The following NAV2 variants were observed in gnomAD, a reference collection of about 807,000 sequenced individuals.
NAV2 encodes the protein helicase, APC down-regulated 1.
In NAV2, 54 loss-of-function variants were observed where a neutral mutation model predicts 223.2. The ratio of observed to expected loss-of-function variants is 0.24; its 90% CI spans 0.19 to 0.30. The LOEUF is 0.30. Among genes scored for constraint, NAV2 ranks in the 10% least tolerant of loss-of-function variants. NAV2 has a pLI of 1.00. For synonymous variants in NAV2, 1,279 were observed against 1,239.3 expected, an observed-to-expected ratio of 1.03 and a Z score of -0.67; for missense variants, 2,806 against 3,147.5, an observed-to-expected ratio of 0.89 and a Z score of 2.60.
At chr11:19,995,795 G>A (rs991626219) in intron 11 of NAV2, among the ~76,000 whole-genome samples, 2 of 152,204 alleles carry the variant, frequency 1.3e-5, no homozygotes, top group African/African-American at 4.8e-5. Context: ...TTTTCATTGA[G>A]ATAACAAAAT....
intron 11 of NAV2, among the ~76,000 whole-genome samples, chr11:20,012,957 A>G (rs745536325): frequency 5.9e-5 from 9 of 152,208 alleles, no homozygotes; most frequent in Non-Finnish European, 1.2e-4. Context: ...TGGGATGATT[A>G]TACCTACTGC....
intron 1 of NAV2, among the ~76,000 whole-genome samples, chr11:19,597,693 G>C (rs1023712027): frequency 6.6e-6 from 1 of 152,236 alleles, no homozygotes; most frequent in Non-Finnish European, 1.5e-5. Context: ...TACTGATAGT[G>C]GACCTTTGTC....
chr11:19,611,672 G>A (rs1018204664), intron 1 of NAV2, among the ~76,000 whole-genome samples: 1 of 152,242 alleles, frequency 6.6e-6, no homozygotes, highest in Non-Finnish European at 1.5e-5. Flanking sequence ...AGGTCACTCT[G>A]ATGCAAGAGG....
chr11:19,376,553 T>C (rs1352209192), intron 1 of NAV2, among the ~76,000 whole-genome samples: 2 of 152,222 alleles, frequency 1.3e-5, no homozygotes, highest in Non-Finnish European at 2.9e-5. Flanking sequence ...GGTCTTTCTA[T>C]AATCACACAT....
intron 1 of NAV2, among the ~76,000 whole-genome samples, chr11:19,620,655 T>A (rs1471269540): frequency 1.3e-5 from 2 of 152,234 alleles, no homozygotes; most frequent in Non-Finnish European, 2.9e-5. Flanking sequence ...TTAACGAGAT[T>A]TAGGGCTGAG....
chr11:19,680,286 G>A (rs550283932), intron 1 of NAV2, among the ~76,000 whole-genome samples: 1 of 152,104 alleles, frequency 6.6e-6, no homozygotes, highest in Non-Finnish European at 1.5e-5. Context: ...CTTCTGTCCT[G>A]AGCAGCGTGA....
Position 19,764,808 on chromosome 11 carries a change from C to T in NAV2, c.267+50846C>T, listed in dbSNP as rs182173525. The stretch of plus-strand genomic sequence containing the variant: ...AACTCTTGGTTTCTCAAGTTCATCT[C>T]ACAGACTGTTTCTCCCTTAGTCTTC... On this transcript the variant is annotated intron_variant, in intron 1 of 37. Transcript: ENST00000349880. Among the ~76,000 whole-genome samples the T allele has an allele frequency of 2.3e-3, 351 of 152,346 alleles. 1 individual carries two copies. The highest frequency in any genetic ancestry group is 8.2e-3 in the African/African-American group (339 of 41,578).
At chr11:19,889,858 C>T (rs1385374774) in intron 5 of NAV2, among the ~76,000 whole-genome samples, 1 of 152,196 alleles carries the variant, frequency 6.6e-6, no homozygotes, top group Non-Finnish European at 1.5e-5. Context: ...GATGATGAGC[C>T]CTGCTCGCCG....
chr11:19,832,652 A>T (rs372504646), intron 2 of NAV2, 51 bp downstream of exon 2: 321 of 1,446,368 alleles, frequency 2.2e-4, no homozygotes, highest in Non-Finnish European at 3.0e-4. Context: ...GAGCCATCTC[A>T]AAAGGCCGGG....
At chr11:19,597,774 G>T (rs1274111578) in intron 1 of NAV2, among the ~76,000 whole-genome samples, 2 of 152,360 alleles carry the variant, frequency 1.3e-5, no homozygotes, top group East Asian at 3.9e-4. Flanking sequence ...GCTGAAGGAG[G>T]TGGGGAGGAT....
At chr11:19,983,908 T>C (rs551947514) in intron 10 of NAV2, among the ~76,000 whole-genome samples, 2 of 150,638 alleles carry the variant, frequency 1.3e-5, no homozygotes, top group East Asian at 3.9e-4. Context: ...GAGTTCGCTC[T>C]CTTTTTTCAC....
intron 1 of NAV2, among the ~76,000 whole-genome samples, chr11:19,617,324 G>A (rs1329360286): frequency 6.6e-6 from 1 of 152,170 alleles, no homozygotes; most frequent in Non-Finnish European, 1.5e-5. Flanking sequence ...GTTGGCAGCT[G>A]GAGTAGGGGT....
intron 16 of NAV2, among the ~76,000 whole-genome samples, chr11:20,050,600 C>A (rs976272115): frequency 6.6e-6 from 1 of 151,944 alleles, no homozygotes; most frequent in Non-Finnish European, 1.5e-5. Context: ...AACCTTCACC[C>A]CATCAACAGT....
chr11:20,021,930 T>G (rs1238158872), intron 11 of NAV2, among the ~76,000 whole-genome samples: 2 of 152,198 alleles, frequency 1.3e-5, no homozygotes, highest in Middle Eastern at 3.2e-3. Flanking sequence ...AAAGCTTCTG[T>G]TTGCTGAGCA....
At chr11:19,448,421 C>G (rs1236279903) in intron 1 of NAV2, among the ~76,000 whole-genome samples, 2 of 152,202 alleles carry the variant, frequency 1.3e-5, no homozygotes, top group Non-Finnish European at 2.9e-5. Flanking sequence ...AGGCTTGGCT[C>G]TCTCATTGCG....
chr11:19,618,122 T>C (rs926927142), intron 1 of NAV2, among the ~76,000 whole-genome samples: 3 of 152,248 alleles, frequency 2.0e-5, no homozygotes, highest in African/African-American at 7.2e-5. Flanking sequence ...ATAAGGCAGA[T>C]ATTTTTGTCT....
chr11:20,101,102 T>C lies in NAV2; in HGVS notation c.6347T>C (p.Val2116Ala). 1 of 1,614,148 alleles carries C rather than the reference T, an allele frequency of 6.2e-7. No individual in the cohort carries two copies. The highest frequency in any genetic ancestry group is 8.5e-7 in the Non-Finnish European group (1 of 1,180,024). The change falls in exon 32 of 38, where the codon GTG becomes GCG. Residue 2116 changes from valine to alanine, a missense_variant. Physicochemically the swap from Val to Ala is moderately conservative, Grantham distance 64. Around this residue, in one of 4 missense-constraint regions of NAV2, gnomAD observed 824 missense variants for 1,069.4 expected, o/e 0.77. Coordinates refer to ENST00000349880, the MANE Select transcript of NAV2 (RefSeq NM_145117.5). ...YLANRLSEYIVLREGRELTDG... is the reference protein window; with the variant it reads ...YLANRLSEYIALREGRELTDG... Reference sequence around the variant, plus strand: ...GCCAACCGGCTGTCTGAGTATATAGTGCTTCGAGAGGGACGGGAGTTGACA... The same window carrying C: ...GCCAACCGGCTGTCTGAGTATATAGCGCTTCGAGAGGGACGGGAGTTGACA...
At chr11:20,055,498 C>T (rs2058309702) in intron 18 of NAV2, among the ~76,000 whole-genome samples, 1 of 152,154 alleles carries the variant, frequency 6.6e-6, no homozygotes, top group Non-Finnish European at 1.5e-5. Context: ...TTAGCTCATG[C>T]CTGGAAGGTG....
intron 6 of NAV2, among the ~76,000 whole-genome samples, chr11:19,897,525 A>C (rs1440693812): frequency 6.6e-6 from 1 of 152,186 alleles, no homozygotes; most frequent in Non-Finnish European, 1.5e-5. Flanking sequence ...TTCTGGTTAC[A>C]CAGAACAACC....
Sources: gnomAD v4.1 joint callset for allele counts (sites outside exome capture counted in the v4.1 genomes callset) on GRCh38, gnomAD v4.1.1 for gene constraint, gnomAD v4.1.1 regional missense constraint, MANE v1.5 for transcripts, NCBI Gene and HGNC (gene_info 2026-07-23, HGNC 2026-07-21) for gene names.